The following PDE8B variants were observed in gnomAD, a reference collection of about 807,000 sequenced individuals.
The protein encoded by PDE8B is high affinity cAMP-specific and IBMX-insensitive 3',5'-cyclic phosphodiesterase 8B.
PDE8B carries 26 observed loss-of-function variants against 101.3 expected under a neutral mutation model. The ratio of observed to expected loss-of-function variants is 0.26; its 90% CI spans 0.19 to 0.36. The LOEUF is 0.36. PDE8B is among the 10% of genes least tolerant of loss of function. The pLI is 1.00. For synonymous variants in PDE8B, 424 were observed against 429.3 expected, an observed-to-expected ratio of 0.99 and a Z score of 0.15; for missense variants, 810 against 1,163.1, an observed-to-expected ratio of 0.70 and a Z score of 4.42.
At chr5:77,266,591 A>G (rs1022817655) in intron 1 of PDE8B, among the ~76,000 whole-genome samples, 1 of 152,192 alleles carries the variant, frequency 6.6e-6, no homozygotes, top group Non-Finnish European at 1.5e-5. Flanking sequence ...GCATCTTTAA[A>G]CAGAAACCAA....
At position 77,346,632 on chromosome 5, in the gene PDE8B, C is replaced by G. The variant is rs1378560482; in HGVS notation, c.876+1701C>G. ...AGCCTTTGCGATGAACAGGAAGAAG[C>G]AGGAGCATGAGGCCAGTATAACAGA... On this transcript the variant is annotated intron_variant, in intron 7 of 21. Transcript: ENST00000264917. Among the ~76,000 whole-genome samples the G allele has an allele frequency of 2.8e-4, 42 of 152,142 alleles. 2 individuals carry two copies. The highest frequency in any genetic ancestry group is 2.9e-5 in the Non-Finnish European group (2 of 68,038).
the PDE8B span, among the ~76,000 whole-genome samples, chr5:77,194,606 C>G: frequency 6.6e-6 from 1 of 152,108 alleles, no homozygotes; most frequent in Non-Finnish European, 1.5e-5. Context: ...ATTCCCCAGC[C>G]CCTTTACATT....
intron 10 of PDE8B, among the ~76,000 whole-genome samples, chr5:77,379,142 A>G (rs1044515780): frequency 1.3e-5 from 2 of 152,226 alleles, no homozygotes; most frequent in African/African-American, 2.4e-5. Flanking sequence ...GCCAGTGGGC[A>G]CAAGTACTGG....
intron 1 of PDE8B, among the ~76,000 whole-genome samples, chr5:77,251,531 T>C (rs757245065): frequency 1.3e-5 from 2 of 152,238 alleles, no homozygotes; most frequent in Non-Finnish European, 2.9e-5. Flanking sequence ...TTGGGAATTG[T>C]TGGTTCTCCT....
intron 10 of PDE8B, among the ~76,000 whole-genome samples, chr5:77,361,929 G>A (rs1471517392): frequency 1.3e-5 from 2 of 152,142 alleles, no homozygotes; most frequent in African/African-American, 4.8e-5. Flanking sequence ...AAAAAAACCA[G>A]CAAAAGCATT....
chr5:77,168,827 C>T, the PDE8B span, among the ~76,000 whole-genome samples: 4 of 152,210 alleles, frequency 2.6e-5, no homozygotes, highest in Non-Finnish European at 4.4e-5. Context: ...AGCTCCACCT[C>T]GTCCCTGCAG....
intron 11 of PDE8B, among the ~76,000 whole-genome samples, chr5:77,400,736 C>T (rs1792090367): frequency 6.6e-6 from 1 of 152,168 alleles, no homozygotes; most frequent in South Asian, 2.1e-4. Flanking sequence ...CACCAAGTTC[C>T]TATTTCAGTT....
the PDE8B span, among the ~76,000 whole-genome samples, chr5:77,174,703 C>T: frequency 2.0e-5 from 3 of 152,264 alleles, no homozygotes; most frequent in East Asian, 1.9e-4. Context: ...TCCTCCGCTG[C>T]GTGACCTTGA....
At chr5:77,283,607 A>G (rs1465538268) in intron 1 of PDE8B, among the ~76,000 whole-genome samples, 28 of 152,104 alleles carry the variant, frequency 1.8e-4, no homozygotes, top group East Asian at 3.9e-4. Flanking sequence ...GATTGACTTG[A>G]CTCCTTTCAC....
At chr5:77,368,429 T>G (rs895732173) in intron 10 of PDE8B, among the ~76,000 whole-genome samples, 2 of 152,202 alleles carry the variant, frequency 1.3e-5, no homozygotes, top group African/African-American at 4.8e-5. Context: ...CTGTTACTCC[T>G]GGCTCCTGAT....
the PDE8B span, among the ~76,000 whole-genome samples, chr5:77,169,461 A>G: frequency 3.3e-5 from 5 of 152,292 alleles, no homozygotes; most frequent in Admixed American, 1.3e-4. Context: ...CCAAGTTCCA[A>G]GTGACACTGA....
At chr5:77,287,662 T>G (rs1259201926) in intron 1 of PDE8B, among the ~76,000 whole-genome samples, 2 of 152,222 alleles carry the variant, frequency 1.3e-5, no homozygotes, top group African/African-American at 4.8e-5. Context: ...TTTGTCTCCC[T>G]GCACCTTAGT....
intron 21 of PDE8B, 131 bp from the exon 22 acceptor site, chr5:77,426,314 G>A: frequency 1.4e-6 from 1 of 712,396 alleles, no homozygotes; most frequent in Non-Finnish European, 2.6e-6. Flanking sequence ...TTAATGACTT[G>A]TCCTCATGCT....
chr5:77,299,674 G>A (rs1234049056), intron 1 of PDE8B, among the ~76,000 whole-genome samples: 1 of 151,926 alleles, frequency 6.6e-6, no homozygotes, highest in Non-Finnish European at 1.5e-5. Context: ...GTCTATCGTT[G>A]TTGGACATTT....
At chr5:77,182,489 T>A in the PDE8B span, among the ~76,000 whole-genome samples, 2 of 152,184 alleles carry the variant, frequency 1.3e-5, no homozygotes, top group African/African-American at 4.8e-5. Flanking sequence ...TTTGAAAGAT[T>A]CCAGCCACAA....
intron 10 of PDE8B, among the ~76,000 whole-genome samples, chr5:77,368,219 C>T (rs1278021928): frequency 6.6e-6 from 1 of 152,224 alleles, no homozygotes; most frequent in Non-Finnish European, 1.5e-5. Flanking sequence ...TTCCTCCTCT[C>T]CCAATCCATC....
chr5:77,197,018 G>C, the PDE8B span, among the ~76,000 whole-genome samples: 1 of 142,120 alleles, frequency 7.0e-6, no homozygotes, highest in African/African-American at 2.6e-5. Flanking sequence ...AATAGTTTAG[G>C]GTCTTGATAA....
intron 1 of PDE8B, chr5:77,291,196 T>A: frequency 6.2e-7 from 1 of 1,610,764 alleles, no homozygotes; most frequent in Non-Finnish European, 8.5e-7. Flanking sequence ...CGACTGTTTG[T>A]ACATGAAAGC....
At chr5:77,269,130 C>T (rs1255701426) in intron 1 of PDE8B, among the ~76,000 whole-genome samples, 7 of 151,926 alleles carry the variant, frequency 4.6e-5, no homozygotes, top group Admixed American at 3.3e-4. Context: ...CACATCCTCG[C>T]CAGCATTTGT....
Sources: allele counts gnomAD v4.1 joint callset (sites outside exome capture counted in the v4.1 genomes callset), GRCh38; gene constraint gnomAD v4.1.1; transcripts MANE v1.5; gene names NCBI Gene and HGNC (gene_info 2026-07-23, HGNC 2026-07-21).